The following TGFBR3 variants were observed in gnomAD, a reference collection of about 807,000 sequenced individuals.
The protein encoded by TGFBR3 is transforming growth factor beta receptor 3.
Under a neutral mutation model 87.9 loss-of-function variants are expected in TGFBR3, and 46 were observed. That is an observed-to-expected ratio of 0.52 (90% CI 0.41 to 0.67). The LOEUF (loss-of-function observed/expected upper bound fraction) is 0.67. Ranked by LOEUF, TGFBR3 falls within the 30% of genes least tolerant of loss-of-function variation. TGFBR3 has a pLI of 0.00. For missense variants in TGFBR3, 866 were observed against 1,041.9 expected (o/e 0.83, Z 2.32); for synonymous variants, 381 against 391.6 (o/e 0.97, Z 0.32).
At chr1:91,883,330 GA>G (rs1305891178) in intron 1 of TGFBR3, among the ~76,000 whole-genome samples, 1 of 151,494 alleles carries the variant, frequency 6.6e-6, no homozygotes, top group Non-Finnish European at 1.5e-5. Context: ...GAAACAAATT[GA>G]AAAAAAACTA....
chr1:91,791,715 C>A (rs1172782925), intron 3 of TGFBR3, among the ~76,000 whole-genome samples: 1 of 152,198 alleles, frequency 6.6e-6, no homozygotes. Context: ...CCAACAGACA[C>A]AACTCGGGGG....
chr1:91,737,862 T>C (rs1673018386), intron 4 of TGFBR3, among the ~76,000 whole-genome samples: 1 of 152,190 alleles, frequency 6.6e-6, no homozygotes, highest in Non-Finnish European at 1.5e-5. Context: ...ACTGTGATGG[T>C]TCATTTTATG....
chr1:91,850,963 A>G (rs917447501), intron 2 of TGFBR3, among the ~76,000 whole-genome samples: 8 of 152,198 alleles, frequency 5.3e-5, no homozygotes, highest in Non-Finnish European at 1.5e-5. Context: ...GCAGTTACTC[A>G]GGCATATGAG....
rs1320127908 is a variant in TGFBR3, at chr1:91,682,218, A to AC, written c.*1520dup. On this transcript the variant is annotated 3_prime_UTR_variant, in exon 17 of 17. Coordinates refer to ENST00000212355, the MANE Select transcript of TGFBR3 (RefSeq NM_003243.5). Reference sequence around the variant, plus strand: ...CCTACTGAGGTTCCATTCACAGACAACCAGGCATAACTTCCTTATTTTAAG... The same window carrying AC: ...CCTACTGAGGTTCCATTCACAGACAACCCAGGCATAACTTCCTTATTTTAAG... The AC allele has an allele frequency of 1.5e-5, 7 of 454,056 alleles. No individual in the cohort carries two copies. The highest frequency in any genetic ancestry group is 8.0e-5 in the African/African-American group (4 of 50,122). 28.1% of individuals were successfully genotyped at this position (454,056 alleles called of 1,614,324 possible).
At chr1:91,823,504 G>C (rs1423335303) in intron 2 of TGFBR3, among the ~76,000 whole-genome samples, 2 of 152,134 alleles carry the variant, frequency 1.3e-5, no homozygotes, top group African/African-American at 4.8e-5. Flanking sequence ...AAACAAATTG[G>C]GGTATATCCA....
intron 16 of TGFBR3, among the ~76,000 whole-genome samples, chr1:91,693,072 T>C (rs1671320135): frequency 6.6e-6 from 1 of 152,190 alleles, no homozygotes; most frequent in Non-Finnish European, 1.5e-5. Flanking sequence ...TCCTTATTAA[T>C]CTAAATTGCT....
rs771362748 is a variant in TGFBR3 at position 91,861,566 on chromosome 1, C to T, written c.-35G>A. 5 of 1,542,364 alleles carry T rather than the reference C, an allele frequency of 3.2e-6. No individual in the cohort carries two copies. The South Asian group carries it at 3.3e-5, about 10-fold the overall frequency. On this transcript the variant is annotated 5_prime_UTR_variant, in exon 2 of 17. The change creates a new upstream start codon in the 5' untranslated region. Transcript: ENST00000212355. ...TCCAACAGTGCGTCTCGTCCAGTCA[C>T]TTCAGCCTGCTCAGAGCACAGACAA...
intron 2 of TGFBR3, among the ~76,000 whole-genome samples, chr1:91,860,870 T>C (rs567021411): frequency 3.0e-4 from 39 of 129,508 alleles, no homozygotes; most frequent in African/African-American, 1.1e-3. Context: ...AGGAGGAGGT[T>C]GCAGTGAGCC....
intron 2 of TGFBR3, among the ~76,000 whole-genome samples, chr1:91,892,847 T>C (rs1679478272): frequency 6.6e-6 from 1 of 152,190 alleles, no homozygotes; most frequent in Non-Finnish European, 1.5e-5. Flanking sequence ...TCGTTTTGAG[T>C]TGCATCTGTG....
rs916782703 is a variant in TGFBR3, at chr1:91,861,682, A to C, written c.-113-38T>G. 1.0e-5 allele frequency: 7 copies of C among 687,764 alleles called. No homozygotes were observed. In the African/African-American group the frequency reaches 1.2e-4, roughly 12 times the overall value. 42.6% of individuals were successfully genotyped at this position (687,764 alleles called of 1,614,324 possible). On this transcript the variant is annotated intron_variant, in intron 1 of 16. Transcript: ENST00000212355. ...TTTCAATAAGAAAACTTAATGAAGAAACTTCATAAACAAACAGACACTAAA... is the reference window on the plus strand; with the variant it reads ...TTTCAATAAGAAAACTTAATGAAGACACTTCATAAACAAACAGACACTAAA...
At chr1:91,762,811 C>T (rs60189847) in intron 3 of TGFBR3, among the ~76,000 whole-genome samples, 38,941 of 152,120 alleles carry the variant, frequency 0.26, 5,235 homozygotes, top group East Asian at 0.49. Flanking sequence ...AACAAACATA[C>T]AATTTTATAA....
intron 16 of TGFBR3, among the ~76,000 whole-genome samples, chr1:91,690,267 C>G (rs1441081115): frequency 6.6e-6 from 1 of 152,154 alleles, no homozygotes; most frequent in Non-Finnish European, 1.5e-5. Flanking sequence ...CCTCGCTCCA[C>G]TGGGCTGAGA....
At chr1:91,870,276 T>C (rs142136720) in intron 1 of TGFBR3, among the ~76,000 whole-genome samples, 285 of 152,322 alleles carry the variant, frequency 1.9e-3, no homozygotes, top group African/African-American at 6.4e-3. Flanking sequence ...ATTAATCCCA[T>C]CCTACTGTGA....
At chr1:91,743,391 T>A (rs1346439452) in intron 4 of TGFBR3, among the ~76,000 whole-genome samples, 3 of 152,132 alleles carry the variant, frequency 2.0e-5, no homozygotes, top group Non-Finnish European at 4.4e-5. Context: ...AAGTGGATAT[T>A]AAGTCTCATC....
At chr1:91,858,287 T>C (rs1678035268) in intron 2 of TGFBR3, among the ~76,000 whole-genome samples, 1 of 152,076 alleles carries the variant, frequency 6.6e-6, no homozygotes, top group Admixed American at 6.6e-5. Context: ...ATGCTGGGCC[T>C]ACAGAGAAAA....
chr1:91,768,845 G>C (rs1219372550), intron 3 of TGFBR3, among the ~76,000 whole-genome samples: 1 of 152,008 alleles, frequency 6.6e-6, no homozygotes, highest in Non-Finnish European at 1.5e-5. Flanking sequence ...GGCAATGTGA[G>C]AATGGACTAA....
chr1:91,903,337 T>C (rs1263694696), intron 1 of TGFBR3, among the ~76,000 whole-genome samples: 1 of 2,998 alleles, frequency 3.3e-4, no homozygotes, highest in African/African-American at 5.0e-4. Flanking sequence ...AGATTCTGCC[T>C]CAAAAAAAAA....
At chr1:91,877,977 C>T (rs1678921149) in intron 1 of TGFBR3, among the ~76,000 whole-genome samples, 1 of 152,186 alleles carries the variant, frequency 6.6e-6, no homozygotes, top group South Asian at 2.1e-4. Flanking sequence ...AGAAACTTCT[C>T]CCACACACAT....
intron 2 of TGFBR3, among the ~76,000 whole-genome samples, chr1:91,830,508 C>T (rs979864367): frequency 6.6e-6 from 1 of 152,116 alleles, no homozygotes; most frequent in African/African-American, 2.4e-5. Context: ...TGCTAAATAA[C>T]AGAGGTCACC....
Sources: allele counts gnomAD v4.1 joint callset (sites outside exome capture counted in the v4.1 genomes callset), GRCh38; gene constraint gnomAD v4.1.1; transcripts MANE v1.5; gene names NCBI Gene and HGNC (gene_info 2026-07-23, HGNC 2026-07-21).